The following ZFPM1 variants were observed in gnomAD, a reference collection of about 807,000 sequenced individuals.
ZFPM1 encodes zinc finger protein ZFPM1.
A neutral mutation model predicts 46.3 loss-of-function variants in ZFPM1; 28 were observed. The ratio of observed to expected loss-of-function variants is 0.60; its 90% CI spans 0.45 to 0.83. The LOEUF is 0.83. Ranked by LOEUF, ZFPM1 falls within the 40% of genes least tolerant of loss-of-function variation. The pLI, the probability that ZFPM1 is intolerant of heterozygous loss-of-function variation, is 0.00. For synonymous variants in ZFPM1, 957 were observed against 675.9 expected, an observed-to-expected ratio of 1.42 and a Z score of -6.45; for missense variants, 1,878 against 1,432.4, an observed-to-expected ratio of 1.31 and a Z score of -5.02.
chr16:88,523,857 C>T (rs1339799890), intron 4 of ZFPM1, among the ~76,000 whole-genome samples: 6 of 152,350 alleles, frequency 3.9e-5, no homozygotes, highest in Admixed American at 1.3e-4. Context: ...CCTCCCCACC[C>T]GCACAGCCAG....
intron 1 of ZFPM1, among the ~76,000 whole-genome samples, chr16:88,484,599 T>C (rs1909116519): frequency 6.6e-6 from 1 of 152,228 alleles, no homozygotes; most frequent in Non-Finnish European, 1.5e-5. Context: ...GCCCCCATCG[T>C]GCTTCACACA....
At chr16:88,527,607 T>G (rs552233214) in intron 5 of ZFPM1, among the ~76,000 whole-genome samples, 171 of 152,052 alleles carry the variant, frequency 1.1e-3, no homozygotes, top group Middle Eastern at 3.4e-3. Flanking sequence ...CCGCGCAGCC[T>G]GGGCTTTGTG....
intron 1 of ZFPM1, among the ~76,000 whole-genome samples, chr16:88,455,132 G>GGT (rs4047261): frequency 0.14 from 19,529 of 141,554 alleles, 1,315 homozygotes; most frequent in East Asian, 0.17. Flanking sequence ...TCGGTTCTGG[G>GGT]GTGTGTGTGT....
chr16:88,473,445 C>T (rs1908517874), intron 1 of ZFPM1, among the ~76,000 whole-genome samples: 1 of 152,222 alleles, frequency 6.6e-6, no homozygotes, highest in African/African-American at 2.4e-5. Context: ...AACCCACAGG[C>T]CTGTCCTCGA....
chr16:88,459,039 G>A (rs866569682), intron 1 of ZFPM1, among the ~76,000 whole-genome samples: 9 of 152,236 alleles, frequency 5.9e-5, no homozygotes, highest in Non-Finnish European at 8.8e-5. Context: ...GCCGGCGCCC[G>A]TCAGGGCTGA....
Position 88,453,284 on chromosome 16 carries a change from C to T in ZFPM1, c.-355C>T, listed in dbSNP as rs1018939891. The T allele has an allele frequency of 6.8e-6, 1 of 147,050 alleles. No individual in the cohort carries two copies. Among genetic ancestry groups the T allele is most frequent in the Middle Eastern group, 3.4e-3 (1 of 292 alleles). 9.1% of individuals were successfully genotyped at this position (147,050 alleles called of 1,614,324 possible). On this transcript the variant is annotated 5_prime_UTR_variant, in exon 1 of 10. Transcript: ENST00000319555. ...CCGGCCCCGCCCCGTGCCTCCAGCC[C>T]GCCAGGAGCGCCCTCGCAGTGGCCG...
At chr16:88,465,227 G>C (rs75345953) in intron 1 of ZFPM1, among the ~76,000 whole-genome samples, 3,816 of 152,350 alleles carry the variant, frequency 0.025, 152 homozygotes, top group African/African-American at 0.087. Context: ...GGGAGACACA[G>C]GCAGGGCGCA....
At chr16:88,466,504 G>T (rs1224701666) in intron 1 of ZFPM1, among the ~76,000 whole-genome samples, 1 of 152,176 alleles carries the variant, frequency 6.6e-6, no homozygotes, top group Non-Finnish European at 1.5e-5. Flanking sequence ...AGCCTCCCAG[G>T]GGGCTCACCC....
intron 1 of ZFPM1, among the ~76,000 whole-genome samples, chr16:88,458,892 C>T (rs983445181): frequency 2.0e-5 from 3 of 152,194 alleles, no homozygotes; most frequent in African/African-American, 4.8e-5. Flanking sequence ...GGGTCATCTG[C>T]GCCCTGCCTG....
At chr16:88,463,499 G>A (rs1249899931) in intron 1 of ZFPM1, among the ~76,000 whole-genome samples, 1 of 152,264 alleles carries the variant, frequency 6.6e-6, no homozygotes, top group African/African-American at 2.4e-5. Context: ...GCATTTACTA[G>A]GCCCCTGCCT....
intron 1 of ZFPM1, among the ~76,000 whole-genome samples, chr16:88,474,577 C>T (rs1165670971): frequency 2.6e-5 from 4 of 152,180 alleles, no homozygotes; most frequent in Admixed American, 6.5e-5. Flanking sequence ...CGTCCCACTT[C>T]GGGGGGCGGG....
intron 3 of ZFPM1, among the ~76,000 whole-genome samples, chr16:88,509,501 G>T (rs760756501): frequency 7.9e-5 from 12 of 152,248 alleles, no homozygotes; most frequent in Non-Finnish European, 1.6e-4. Context: ...CTGTGTGCAG[G>T]AGGGGCCCCG....
At chr16:88,505,429 C>T (rs986664780) in intron 3 of ZFPM1, among the ~76,000 whole-genome samples, 3 of 152,226 alleles carry the variant, frequency 2.0e-5, no homozygotes, top group Non-Finnish European at 4.4e-5. Flanking sequence ...CACAGCCGTT[C>T]AACAGCCGGC....
chr16:88,514,515 G>T lies in ZFPM1; in HGVS notation c.397G>T (p.Glu133Ter). ...QTRASSPRQA[E>*]PSPALTLLLV... ...CAGAGCCTCATCCCCCAGGCAGGCGGAGCCGGTAAGAAGCCCCCATCCCCG... is the reference window on the plus strand; with the variant it reads ...CAGAGCCTCATCCCCCAGGCAGGCGTAGCCGGTAAGAAGCCCCCATCCCCG... Residue 133 changes from glutamate to a stop codon, truncating the protein, a stop_gained, in exon 4 of 10, where the codon GAG becomes TAG. Coordinates refer to ENST00000319555, the MANE Select transcript of ZFPM1 (RefSeq NM_153813.3). LOFTEE classifies it high-confidence loss of function. The T allele has an allele frequency of 6.4e-7, 1 of 1,558,298 alleles. No homozygotes were observed. The highest frequency in any genetic ancestry group is 1.9e-5 in the Admixed American group (1 of 52,364).
chr16:88,520,546 A>T (rs1911758301), intron 4 of ZFPM1, among the ~76,000 whole-genome samples: 1 of 128,634 alleles, frequency 7.8e-6, no homozygotes. Context: ...GGGTGGCTGA[A>T]AGGATGGATG....
chr16:88,472,723 T>C (rs1340005879), intron 1 of ZFPM1, among the ~76,000 whole-genome samples: 1 of 152,218 alleles, frequency 6.6e-6, no homozygotes, highest in Non-Finnish European at 1.5e-5. Flanking sequence ...CGTGTACAGC[T>C]CAGGACACAA....
chr16:88,474,320 G>A (rs80352278), intron 1 of ZFPM1, among the ~76,000 whole-genome samples: 2,787 of 152,298 alleles, frequency 0.018, 33 homozygotes, highest in Non-Finnish European at 0.028. Flanking sequence ...AGGATCCAAG[G>A]GAGCCCGAAG....
chr16:88,516,487 C>T, intron 4 of ZFPM1: 1 of 398,552 alleles, frequency 2.5e-6, no homozygotes, highest in East Asian at 3.6e-5. Context: ...GGAAGGAGCC[C>T]CCGCTCCACT....
intron 1 of ZFPM1, among the ~76,000 whole-genome samples, chr16:88,485,419 G>T (rs1909166071): frequency 6.6e-6 from 1 of 151,082 alleles, no homozygotes; most frequent in Non-Finnish European, 1.5e-5. Flanking sequence ...GAGGGTGGGG[G>T]TTCGTCAAGA....
Sources: allele counts gnomAD v4.1 joint callset (sites outside exome capture counted in the v4.1 genomes callset), GRCh38; gene constraint gnomAD v4.1.1; transcripts MANE v1.5; gene names NCBI Gene and HGNC (gene_info 2026-07-23, HGNC 2026-07-21).